The following NRXN1 variants were observed in gnomAD, a reference collection of about 807,000 sequenced individuals.
The protein encoded by NRXN1 is neurexin-1.
In NRXN1, 39 loss-of-function variants were observed where a neutral mutation model predicts 150.9. The observed-to-expected ratio is 0.26, with a 90% CI of 0.20 to 0.34. The LOEUF is 0.34. Ranked by LOEUF, NRXN1 falls within the 10% of genes least tolerant of loss-of-function variation. The probability of loss-of-function intolerance (pLI) is 1.00; values close to 1 mark genes in which losing one functional copy is unlikely to be tolerated. For synonymous variants in NRXN1, 924 were observed against 757.0 expected (o/e 1.22, Z -3.62); for missense variants, 1,815 against 1,949.9 (o/e 0.93, Z 1.30).
At chr2:50,963,356 T>C (rs1693509508) in intron 2 of NRXN1, among the ~76,000 whole-genome samples, 1 of 151,600 alleles carries the variant, frequency 6.6e-6, no homozygotes, top group Non-Finnish European at 1.5e-5. Context: ...CTTCCTTCTT[T>C]CTCCCTTTCA....
At chr2:50,469,127 T>A (rs952716470) in intron 16 of NRXN1, among the ~76,000 whole-genome samples, 7 of 151,564 alleles carry the variant, frequency 4.6e-5, no homozygotes, top group African/African-American at 1.7e-4. Flanking sequence ...TTGTTAGAAA[T>A]GGAAATTCTA....
intron 2 of NRXN1, among the ~76,000 whole-genome samples, chr2:50,932,749 G>C (rs1363134592): frequency 1.3e-5 from 2 of 151,956 alleles, no homozygotes; most frequent in Non-Finnish European, 2.9e-5. Context: ...AAAATAATGT[G>C]CTAGAAAAAC....
chr2:50,307,265 A>G (rs889900730), intron 17 of NRXN1, among the ~76,000 whole-genome samples: 1 of 152,194 alleles, frequency 6.6e-6, no homozygotes, highest in Non-Finnish European at 1.5e-5. Context: ...CACAGGTGTG[A>G]GCCACTGCAC....
intron 5 of NRXN1, among the ~76,000 whole-genome samples, chr2:50,830,604 G>A (rs1671274138): frequency 6.6e-6 from 1 of 151,016 alleles, no homozygotes; most frequent in African/African-American, 2.4e-5. Flanking sequence ...CTGCACCAAG[G>A]ATCACTTTCA....
chr2:50,661,358 T>C (rs2104643459), intron 5 of NRXN1, among the ~76,000 whole-genome samples: 1 of 152,228 alleles, frequency 6.6e-6, no homozygotes, highest in East Asian at 1.9e-4. Context: ...CTTCCTCACC[T>C]GAGCCTCAGT....
At chr2:50,539,489 T>C (rs1381806255) in intron 9 of NRXN1, among the ~76,000 whole-genome samples, 1 of 152,110 alleles carries the variant, frequency 6.6e-6, no homozygotes, top group African/African-American at 2.4e-5. Context: ...CATGGGATCA[T>C]TTGAGGGTCA....
intron 17 of NRXN1, among the ~76,000 whole-genome samples, chr2:50,263,183 CACACACACACAT>C (rs754677488): frequency 1.7e-4 from 20 of 115,016 alleles, no homozygotes; most frequent in Admixed American, 8.9e-4. Flanking sequence ...CACACACACA[CACACACACACAT>C]ACACAAACAG....
At chr2:50,352,896 T>A (rs2078527284) in intron 17 of NRXN1, among the ~76,000 whole-genome samples, 1 of 151,918 alleles carries the variant, frequency 6.6e-6, no homozygotes, top group African/African-American at 2.4e-5. Flanking sequence ...CAGGTTTATT[T>A]ATGAAGTGTT....
At chr2:50,829,870 T>C (rs1420738099) in intron 5 of NRXN1, among the ~76,000 whole-genome samples, 1 of 151,922 alleles carries the variant, frequency 6.6e-6, no homozygotes, top group Non-Finnish European at 1.5e-5. Flanking sequence ...ATTCTAGAGT[T>C]TGAATGAATC....
intron 17 of NRXN1, among the ~76,000 whole-genome samples, chr2:50,368,405 C>CA (rs1190453957): frequency 6.6e-6 from 1 of 151,874 alleles, no homozygotes; most frequent in Non-Finnish European, 1.5e-5. Context: ...GTTGTTATTA[C>CA]AAAAAACCTG....
chr2:49,990,469 A>C (rs1681736295), intron 21 of NRXN1, among the ~76,000 whole-genome samples: 1 of 152,158 alleles, frequency 6.6e-6, no homozygotes. Flanking sequence ...TAATGACATA[A>C]TTTTATTTAT....
intron 17 of NRXN1, among the ~76,000 whole-genome samples, chr2:50,434,045 T>A (rs4971558): frequency 6.2e-5 from 4 of 64,438 alleles, no homozygotes; most frequent in South Asian, 4.5e-4. Context: ...TCTAAGCCAT[T>A]TTTTTTTTTT....
Position 50,204,372 on chromosome 2 carries a change from GTA to G in NRXN1, c.3546+32415_3546+32416del, listed in dbSNP as rs1228285018. ...TGTGTGTGTGTGTGTGTGTGTGTGT[GTA>G]TGTTTGTATGTAAGACATAGAGGAA... On this transcript the variant is annotated intron_variant, in intron 18 of 22. Transcript: ENST00000401669. Among the ~76,000 whole-genome samples, 279 of 146,054 alleles carry G rather than the reference GTA, an allele frequency of 1.9e-3. 2 individuals carry two copies. Among genetic ancestry groups the G allele is most frequent in the Non-Finnish European group, 1.9e-3 (125 of 65,386 alleles).
At chr2:50,283,423 T>C (rs1223483413) in intron 17 of NRXN1, among the ~76,000 whole-genome samples, 1 of 152,208 alleles carries the variant, frequency 6.6e-6, no homozygotes, top group Admixed American at 6.5e-5. Flanking sequence ...TTTCTAAATA[T>C]CTTTCTTGTT....
At chr2:50,828,708 G>C (rs1670909966) in intron 5 of NRXN1, among the ~76,000 whole-genome samples, 1 of 151,540 alleles carries the variant, frequency 6.6e-6, no homozygotes, top group Non-Finnish European at 1.5e-5. Context: ...TCCTAGATGG[G>C]ATGGCGGCCG....
Position 50,531,229 on chromosome 2 carries a change from A to T in NRXN1, c.2345T>A (p.Leu782Gln). The change falls in exon 11 of 23, where the codon CTA becomes CAA. Residue 782 changes from leucine to glutamine, a missense_variant and splice_region_variant. By Grantham distance (113) the Leu-to-Gln change is moderately radical. Transcript: ENST00000401669. Reference sequence around the variant, plus strand: ...AATGGGGGAAGGCAGGTTGTTACCTAGATTGACCGTCAGTTTCACACGTCC... The same window carrying T: ...AATGGGGGAAGGCAGGTTGTTACCTTGATTGACCGTCAGTTTCACACGTCC... ...DAGRVKLTVN[L>Q]DCIRINCNSS... The T allele has an allele frequency of 6.2e-7, 1 of 1,612,156 alleles. No individual in the cohort carries two copies. The highest frequency in any genetic ancestry group is 8.5e-7 in the Non-Finnish European group (1 of 1,179,108).
At chr2:50,844,568 T>C (rs754509532) in intron 5 of NRXN1, among the ~76,000 whole-genome samples, 4 of 152,188 alleles carry the variant, frequency 2.6e-5, no homozygotes, top group African/African-American at 7.2e-5. Context: ...TTTGACATCA[T>C]CCATTTCTTA....
At chr2:50,136,999 T>C (rs1262085356) in intron 18 of NRXN1, among the ~76,000 whole-genome samples, 1 of 152,180 alleles carries the variant, frequency 6.6e-6, no homozygotes, top group Admixed American at 6.5e-5. Flanking sequence ...AAGTAAAACA[T>C]ACACCAAAGA....
At chr2:50,784,780 G>A (rs1456077073) in intron 5 of NRXN1, among the ~76,000 whole-genome samples, 1 of 152,032 alleles carries the variant, frequency 6.6e-6, no homozygotes, top group Non-Finnish European at 1.5e-5. Context: ...GTTTCCAGAA[G>A]ATATGATGAG....
Sources: gnomAD v4.1 joint callset for allele counts (sites outside exome capture counted in the v4.1 genomes callset) on GRCh38, gnomAD v4.1.1 for gene constraint, MANE v1.5 for transcripts, NCBI Gene and HGNC (gene_info 2026-07-23, HGNC 2026-07-21) for gene names.